STAT5A: variants seen among roughly 807,000 people sequenced by gnomAD.
STAT5A encodes the protein epididymis secretory sperm binding protein.
STAT5A carries 26 observed loss-of-function variants against 100.2 expected under a neutral mutation model. That is an observed-to-expected ratio of 0.26 (90% confidence interval 0.19 to 0.36). The LOEUF is 0.36. STAT5A is among the 10% of genes least tolerant of loss of function. The pLI is 1.00. For synonymous variants in STAT5A, 330 were observed against 424.3 expected (o/e 0.78, Z 2.73); for missense variants, 634 against 1,027.5 (o/e 0.62, Z 5.24).
chr17:42,301,356 C>T lies in STAT5A; in HGVS notation c.1071C>T (p.Gly357=), dbSNP rs377400234. ...KFAATVRLLV[G]GKLNVHMNPP... ...CAGCCACCGTACGCCTGCTGGTGGG[C>T]GGGAAGCTGAACGTGCACATGAATC... The change falls in exon 9 of 19, where the codon GGC becomes GGT. Residue 357 remains glycine, a synonymous_variant. Coordinates refer to ENST00000590949, the MANE Select transcript of STAT5A (RefSeq NM_001288718.2). The T allele has an allele frequency of 3.3e-5, 53 of 1,614,066 alleles. No homozygotes were observed. In the Middle Eastern group the frequency reaches 8.2e-4, roughly 25 times the overall value.
In STAT5A at chr17:42,288,755, G is replaced by T. The variant is rs2080838156; in HGVS notation, c.-11+157G>T. On this transcript the variant is annotated intron_variant, in intron 1 of 18. Coordinates refer to ENST00000590949, the MANE Select transcript of STAT5A (RefSeq NM_001288718.2). This position sits in a 1 kb window ranked among gnomAD's most constrained non-coding sequence, Gnocchi z 4.8. Reference sequence around the variant, plus strand: ...GTTGGCCCAGCGCAGACGAGGGACGGGGGGACGTGGGGACAGGGGTCGGGG... The same window carrying T: ...GTTGGCCCAGCGCAGACGAGGGACGTGGGGACGTGGGGACAGGGGTCGGGG... Among the ~76,000 whole-genome samples, 1 of 152,216 alleles carries T rather than the reference G, an allele frequency of 6.6e-6. No individual in the cohort carries two copies. The highest frequency in any genetic ancestry group is 2.1e-4 in the South Asian group (1 of 4,836).
chr17:42,301,492 T>C, intron 9 of STAT5A, 38 bp downstream of exon 9: 1 of 1,612,258 alleles, frequency 6.2e-7, no homozygotes. Context: ...CAAGCTTAGG[T>C]GTGGGGGACC....
chr17:42,299,652 C>A, intron 5 of STAT5A, 99 bp from the exon 6 acceptor site: 2 of 1,586,844 alleles, frequency 1.3e-6, no homozygotes, highest in East Asian at 4.5e-5. Flanking sequence ...AGTGTCTGAG[C>A]CTGGGAGGGT....
In STAT5A at chr17:42,292,047, C is replaced by T; in HGVS notation, c.361C>T (p.Arg121Ter). Residue 121 changes from arginine to a stop codon, truncating the protein, a stop_gained, in exon 4 of 19, where the codon CGA (arginine) becomes TGA (stop). Transcript: ENST00000590949. LOFTEE classifies it high-confidence loss of function. Reference sequence around the variant, plus strand: ...TCTGTACAATGAACAGAGGCTGGTCCGAGAAGCCAACAATGTGAGTGTCCC... The same window carrying T: ...TCTGTACAATGAACAGAGGCTGGTCTGAGAAGCCAACAATGTGAGTGTCCC... ...HILYNEQRLV[R>*]EANNCSSPAG... The T allele has an allele frequency of 1.2e-6, 2 of 1,613,882 alleles. No homozygotes were observed. Among genetic ancestry groups the T allele is most frequent in the Non-Finnish European group, 1.7e-6 (2 of 1,179,868 alleles).
chr17:42,308,989 C>T lies in STAT5A; in HGVS notation c.2063-58C>T. The stretch of plus-strand genomic sequence containing the variant: ...GGAGACTACATGGGGCGTGGGCTTC[C>T]ACCCCACTTGGGAGTTCCCAGAGAC... On this transcript the variant is annotated intron_variant, in intron 16 of 18. Transcript: ENST00000590949. This position sits in a 1 kb window ranked among gnomAD's most constrained non-coding sequence, Gnocchi z 4.6. 1.2e-6 allele frequency: 2 copies of T among 1,607,200 alleles called. No individual in the cohort carries two copies. The highest frequency in any genetic ancestry group is 1.7e-6 in the Non-Finnish European group (2 of 1,173,608).
rs1216536665 is a variant in STAT5A at position 42,308,968 on chromosome 17, A to C, written c.2063-79A>C. The C allele has an allele frequency of 3.2e-6, 5 of 1,572,948 alleles. No individual in the cohort carries two copies. The highest frequency in any genetic ancestry group is 1.7e-5 in the Admixed American group (1 of 59,760). ...ACAAGGTGATGTGAGCAGGAGGGAG[A>C]CTACATGGGGCGTGGGCTTCCACCC... On this transcript the variant is annotated intron_variant, in intron 16 of 18. Transcript: ENST00000590949. This position sits in a 1 kb window ranked among gnomAD's most constrained non-coding sequence, Gnocchi z 4.6.
At position 42,306,392 on chromosome 17, in the gene STAT5A, G is replaced by A; in HGVS notation, c.1625G>A (p.Ser542Asn). The A allele has an allele frequency of 6.2e-7, 1 of 1,614,118 alleles. No homozygotes were observed. Among genetic ancestry groups the A allele is most frequent in the Non-Finnish European group, 8.5e-7 (1 of 1,180,016 alleles). The change falls in exon 13 of 19, where the codon AGC becomes AAC. Residue 542 changes from serine (S) to asparagine (N), a missense_variant. Ser to Asn is a conservative substitution (Grantham distance 46, BLOSUM62 1). Transcript: ENST00000590949. Reference sequence around the variant, plus strand: ...GCGCAGAAACTGTTCAACAACAGCAGCAGCCACCTGGAGGACTACAGTGGC... The same window carrying A: ...GCGCAGAAACTGTTCAACAACAGCAACAGCCACCTGGAGGACTACAGTGGC... ...FLAQKLFNNS[S>N]SHLEDYSGLS...
At chr17:42,309,588 G>A in intron 18 of STAT5A, 104 bp downstream of exon 18, 2 of 1,219,096 alleles carry the variant, frequency 1.6e-6, no homozygotes, top group Non-Finnish European at 2.3e-6. Context: ...CTCTGGTTAG[G>A]CCCAAGTCCA....
intron 4 of STAT5A, among the ~76,000 whole-genome samples, 195 bp from the exon 5 acceptor site, chr17:42,295,422 TTC>T (rs1410168304): frequency 1.3e-5 from 2 of 152,152 alleles, no homozygotes; most frequent in African/African-American, 4.8e-5. Flanking sequence ...TGTTTCTCCT[TTC>T]TCTTTCCCTT....
At chr17:42,289,358 T>C in intron 1 of STAT5A, 44 bp from the exon 2 acceptor site, 1 of 1,534,170 alleles carries the variant, frequency 6.5e-7, no homozygotes, top group Non-Finnish European at 8.7e-7. Flanking sequence ...CCCGGTTCCT[T>C]GGCCTCTGCA....
chr17:42,287,873 C>G (rs948989686), upstream of STAT5A: 3 of 152,196 alleles, frequency 2.0e-5, no homozygotes, highest in Non-Finnish European at 4.4e-5. Context: ...GTTTAGATGG[C>G]CGGAGTAAAA....
At chr17:42,293,465 G>A (rs889479740) in intron 4 of STAT5A, among the ~76,000 whole-genome samples, 13 of 151,986 alleles carry the variant, frequency 8.6e-5, no homozygotes, top group Admixed American at 2.0e-4. Context: ...TCGGCCTCCC[G>A]AAGTGCTGGG....
intron 5 of STAT5A, among the ~76,000 whole-genome samples, chr17:42,297,944 G>T (rs9915658): frequency 1.3e-5 from 2 of 150,690 alleles, no homozygotes; most frequent in African/African-American, 2.5e-5. Context: ...GCTGGTGCGC[G>T]CATCTTCTGA....
intron 4 of STAT5A, among the ~76,000 whole-genome samples, chr17:42,292,605 G>A (rs1183280573): frequency 3.3e-5 from 5 of 151,372 alleles, no homozygotes; most frequent in South Asian, 2.1e-4. Flanking sequence ...GGTTACAGGC[G>A]TGAGCCACCA....
chr17:42,301,599 T>A, intron 9 of STAT5A, 145 bp downstream of exon 9: 1 of 1,285,664 alleles, frequency 7.8e-7, no homozygotes, highest in Non-Finnish European at 1.1e-6. Context: ...CATGCAGTCT[T>A]CCCACCTCAG....
Position 42,304,612 on chromosome 17 carries a change from A to C in STAT5A, c.1340A>C (p.Gln447Pro). 1 of 1,614,178 alleles carries C rather than the reference A, an allele frequency of 6.2e-7. No homozygotes were observed. The highest frequency in any genetic ancestry group is 8.5e-7 in the Non-Finnish European group (1 of 1,180,032). Residue 447 changes from glutamine (Q) to proline (P), a missense_variant, in exon 11 of 19, where the codon CAG becomes CCG. Physicochemically the swap from Gln to Pro is moderately conservative, Grantham distance 76. Coordinates refer to ENST00000590949, the MANE Select transcript of STAT5A (RefSeq NM_001288718.2). The surrounding 1 kb of genome is among the most constrained non-coding windows in gnomAD (Gnocchi z 4.8). ...AAGTTCACAGTCCTGTTTGAGTCTCAGTTCAGTGTTGGCAGCAATGAGCTT... is the reference window on the plus strand; with the variant it reads ...AAGTTCACAGTCCTGTTTGAGTCTCCGTTCAGTGTTGGCAGCAATGAGCTT... ...EEKFTVLFESQFSVGSNELVF... is the reference protein window; with the variant it reads ...EEKFTVLFESPFSVGSNELVF...
chr17:42,298,839 G>A (rs1044919116), intron 5 of STAT5A, among the ~76,000 whole-genome samples: 2 of 152,080 alleles, frequency 1.3e-5, no homozygotes, highest in Non-Finnish European at 2.9e-5. Context: ...TCCCTGTCCC[G>A]CCATCAATGA....
At chr17:42,293,638 T>C (rs1446516926) in intron 4 of STAT5A, among the ~76,000 whole-genome samples, 3 of 152,232 alleles carry the variant, frequency 2.0e-5, no homozygotes, top group Admixed American at 1.3e-4. Context: ...CTGGAAGGAA[T>C]TCTGGCAGTG....
rs974116487 is a variant in STAT5A at position 42,304,201 on chromosome 17, G to A, written c.1170-141G>A. 1.7e-5 allele frequency: 13 copies of A among 747,032 alleles called. No individual in the cohort carries two copies. Among genetic ancestry groups the A allele is most frequent in the South Asian group, 1.2e-4 (7 of 56,026 alleles). 46.3% of individuals were successfully genotyped at this position (747,032 alleles called of 1,614,324 possible). On this transcript the variant is annotated intron_variant, in intron 9 of 18. Coordinates refer to ENST00000590949, the MANE Select transcript of STAT5A (RefSeq NM_001288718.2). The surrounding 1 kb of genome is among the most constrained non-coding windows in gnomAD (Gnocchi z 4.8). Reference sequence around the variant, plus strand: ...GGAGAAGTCAGTAACCCAGAAAGACGCCAAGAAACACTCTTAGGGGATACG... The same window carrying A: ...GGAGAAGTCAGTAACCCAGAAAGACACCAAGAAACACTCTTAGGGGATACG...
Sources: gnomAD v4.1 joint callset for allele counts (sites outside exome capture counted in the v4.1 genomes callset) on GRCh38, gnomAD v4.1.1 for gene constraint, Gnocchi (gnomAD v3.1) non-coding constraint, MANE v1.5 for transcripts, NCBI Gene and HGNC (gene_info 2026-07-23, HGNC 2026-07-21) for gene names.